OSBPL2: variants seen among roughly 807,000 people sequenced by gnomAD.
The protein encoded by OSBPL2 is oxysterol binding protein like 2, also known as oxysterol-binding protein-related protein 2.
Under a neutral mutation model 58.4 loss-of-function variants are expected in OSBPL2, and 18 were observed. The ratio of observed to expected loss-of-function variants is 0.31; its 90% confidence interval spans 0.21 to 0.46. The LOEUF (loss-of-function observed/expected upper bound fraction) is 0.46, where lower values mean the gene tolerates loss of function less well. Ranked by LOEUF, OSBPL2 falls within the 20% of genes least tolerant of loss-of-function variation. The pLI, the probability that OSBPL2 is intolerant of heterozygous loss-of-function variation, is 1.00. For missense variants in OSBPL2, 461 were observed against 616.5 expected (o/e 0.75, Z 2.67); for synonymous variants, 221 against 234.1 (o/e 0.94, Z 0.51).
chr20:62,263,828 G>A (rs773722596), intron 4 of OSBPL2, 137 bp downstream of exon 4: 1 of 700,904 alleles, frequency 1.4e-6, no homozygotes, highest in Non-Finnish European at 2.5e-6. Flanking sequence ...CACTTTGGGA[G>A]GCCGAGGTGG....
intron 1 of OSBPL2, among the ~76,000 whole-genome samples, chr20:62,245,516 T>G (rs1980046892): frequency 6.6e-6 from 1 of 152,190 alleles, no homozygotes; most frequent in East Asian, 1.9e-4. Flanking sequence ...GCGGAGAGGT[T>G]GTTCAGGTTA....
chr20:62,295,714 AG>A lies in OSBPL2; in HGVS notation c.*1830del, dbSNP rs1463623521. 1 of 152,116 alleles carries A rather than the reference AG, an allele frequency of 6.6e-6. No individual in the cohort carries two copies. Among genetic ancestry groups the A allele is most frequent in the Admixed American group, 6.6e-5 (1 of 15,266 alleles). 9.4% of individuals were successfully genotyped at this position (152,116 alleles called of 1,614,324 possible). A position where few individuals can be genotyped will look rare whatever the true frequency, so the allele number is the denominator to read the frequency against. ...TGTGGAGCCCAGGTGCCTCTGGTGG[AG>A]GGTCATCTGCTTTTCCAGACTGTGG... On this transcript the variant is annotated 3_prime_UTR_variant, in exon 14 of 14. Coordinates refer to ENST00000313733, the MANE Select transcript of OSBPL2 (RefSeq NM_144498.4). The surrounding 1 kb of genome is among the most constrained non-coding windows in gnomAD (Gnocchi z 4.8).
chr20:62,268,085 T>C (rs1463758921), intron 4 of OSBPL2, among the ~76,000 whole-genome samples: 1 of 133,764 alleles, frequency 7.5e-6, no homozygotes, highest in Non-Finnish European at 1.6e-5. Context: ...TTTTAGTAGA[T>C]ACGGGGTTTC....
At chr20:62,256,515 G>C (rs2145927915) in intron 2 of OSBPL2, among the ~76,000 whole-genome samples, 1 of 152,308 alleles carries the variant, frequency 6.6e-6, no homozygotes, top group South Asian at 2.1e-4. Flanking sequence ...TTCATGATGA[G>C]AACGTTCTAG....
At chr20:62,293,030 G>A (rs1032688941) in intron 13 of OSBPL2, among the ~76,000 whole-genome samples, 1 of 151,760 alleles carries the variant, frequency 6.6e-6, no homozygotes, top group Admixed American at 6.6e-5. Context: ...CACCACGCCT[G>A]GCTAATTTTT....
intron 1 of OSBPL2, among the ~76,000 whole-genome samples, chr20:62,247,373 AT>A (rs1980193487): frequency 1.3e-5 from 2 of 152,128 alleles, no homozygotes; most frequent in South Asian, 4.1e-4. Flanking sequence ...TGTGGAACCC[AT>A]TCCCTGTGAC....
At chr20:62,267,142 G>A (rs552440943) in intron 4 of OSBPL2, among the ~76,000 whole-genome samples, 1 of 152,322 alleles carries the variant, frequency 6.6e-6, no homozygotes, top group Admixed American at 6.5e-5. Context: ...CTACTCGGGT[G>A]GCTGATGTAG....
At chr20:62,245,434 G>A (rs1454381914) in intron 1 of OSBPL2, among the ~76,000 whole-genome samples, 1 of 152,190 alleles carries the variant, frequency 6.6e-6, no homozygotes, top group Non-Finnish European at 1.5e-5. Flanking sequence ...ATTCTGTGTG[G>A]TGTTAGGGAG....
chr20:62,286,530 G>A, intron 10 of OSBPL2, 53 bp from the exon 11 acceptor site: 1 of 1,573,888 alleles, frequency 6.4e-7, no homozygotes, highest in Non-Finnish European at 8.7e-7. Flanking sequence ...CTGTCCTCCT[G>A]GCCAAGAGCG....
chr20:62,251,046 T>G (rs1443647559), intron 1 of OSBPL2, among the ~76,000 whole-genome samples: 1 of 143,294 alleles, frequency 7.0e-6, no homozygotes, highest in African/African-American at 2.6e-5. Flanking sequence ...GATTTTTTTT[T>G]TTTTTTTTTT....
chr20:62,259,977 A>C lies in OSBPL2; in HGVS notation c.38-4A>C. The C allele has an allele frequency of 6.2e-7, 1 of 1,611,996 alleles. No individual in the cohort carries two copies. The stretch of plus-strand genomic sequence containing the variant: ...GAAAATGACCATTTTCTTGTCTCGC[A>C]CAGGCTTTGATTCTGATAACTCTTC... On this transcript the variant is annotated splice_polypyrimidine_tract_variant and splice_region_variant and intron_variant, in intron 2 of 13. Coordinates refer to ENST00000313733, the MANE Select transcript of OSBPL2 (RefSeq NM_144498.4).
chr20:62,293,602 C>T (rs1210089536), intron 13 of OSBPL2, among the ~76,000 whole-genome samples, 183 bp from the exon 14 acceptor site: 2 of 152,226 alleles, frequency 1.3e-5, no homozygotes, highest in Non-Finnish European at 2.9e-5. Flanking sequence ...TCTTTAGGTT[C>T]CAGCATTCAC....
Position 62,260,040 on chromosome 20 carries a change from A to G in OSBPL2, c.97A>G (p.Met33Val). 1 of 1,613,256 alleles carries G rather than the reference A, an allele frequency of 6.2e-7. No homozygotes were observed. The highest frequency in any genetic ancestry group is 8.5e-7 in the Non-Finnish European group (1 of 1,179,216). ...AGAGGCAAATCAGAAAGTCACGGGAATGATTGACTTAGACACCAGCAAAAA... is the reference window on the plus strand; with the variant it reads ...AGAGGCAAATCAGAAAGTCACGGGAGTGATTGACTTAGACACCAGCAAAAA... ...FSEANQKVTGMIDLDTSKNNR... is the reference protein window; with the variant it reads ...FSEANQKVTGVIDLDTSKNNR... The change falls in exon 3 of 14, where the codon ATG becomes GTG. Residue 33 changes from methionine to valine, a missense_variant. This residue lies in a region of OSBPL2 where 80 missense variants were observed against 74.8 expected (regional missense o/e 1.07). Coordinates refer to ENST00000313733, the MANE Select transcript of OSBPL2 (RefSeq NM_144498.4).
chr20:62,289,016 G>T (rs1203807112), intron 11 of OSBPL2, among the ~76,000 whole-genome samples, 191 bp from the exon 12 acceptor site: 1 of 152,204 alleles, frequency 6.6e-6, no homozygotes, highest in Non-Finnish European at 1.5e-5. Context: ...TACAGCCGCA[G>T]TGCATGATAC....
chr20:62,248,155 C>CTTTTTTTTTTTTTTTTT (rs11470491), intron 1 of OSBPL2, among the ~76,000 whole-genome samples: 4 of 118,852 alleles, frequency 3.4e-5, no homozygotes, highest in Non-Finnish European at 5.1e-5. Context: ...CTTTTCTTTT[C>CTTTTTTTTTTTTTTTTT]TTTTTTTTTT....
At chr20:62,293,164 GTTCA>G (rs1319711468) in intron 13 of OSBPL2, among the ~76,000 whole-genome samples, 6 of 147,260 alleles carry the variant, frequency 4.1e-5, no homozygotes, top group African/African-American at 1.5e-4. Context: ...CGCCCGGCCT[GTTCA>G]TTGTTTTTTT....
At chr20:62,267,571 G>A (rs1001677705) in intron 4 of OSBPL2, among the ~76,000 whole-genome samples, 2 of 152,202 alleles carry the variant, frequency 1.3e-5, no homozygotes, top group Admixed American at 6.5e-5. Context: ...TTCGAGGTCT[G>A]TTCCTACAGC....
rs919804059 is a variant in OSBPL2, at chr20:62,269,805, T to G, written c.259-2320T>G. 6.6e-6 allele frequency among the ~76,000 whole-genome samples: 1 copy of G among 152,268 alleles called. No individual in the cohort carries two copies. The highest frequency in any genetic ancestry group is 2.4e-5 in the African/African-American group (1 of 41,472). On this transcript the variant is annotated intron_variant, in intron 4 of 13. Transcript: ENST00000313733. The surrounding 1 kb of genome is among the most constrained non-coding windows in gnomAD (Gnocchi z 4.2). ...TGATCACAAGGGTCACCTCTCTTCCTGCTTTCCTCGGCAGCCACATTCCCT... is the reference window on the plus strand; with the variant it reads ...TGATCACAAGGGTCACCTCTCTTCCGGCTTTCCTCGGCAGCCACATTCCCT...
chr20:62,268,675 T>C (rs1287426697), intron 4 of OSBPL2, among the ~76,000 whole-genome samples: 2 of 152,150 alleles, frequency 1.3e-5, no homozygotes, highest in Non-Finnish European at 2.9e-5. Context: ...TCATGGCTCA[T>C]TGTAACCTCA....
Sources: allele counts gnomAD v4.1 joint callset (sites outside exome capture counted in the v4.1 genomes callset), GRCh38; gene constraint gnomAD v4.1.1; regional missense constraint gnomAD v4.1.1; non-coding constraint Gnocchi (gnomAD v3.1); transcripts MANE v1.5; gene names NCBI Gene and HGNC (gene_info 2026-07-23, HGNC 2026-07-21).